Variants in RNF150 observed in about 807,000 individuals in gnomAD.
The protein encoded by RNF150 is ring finger protein 150.
A neutral mutation model predicts 39.3 loss-of-function variants in RNF150; 24 were observed. The ratio of observed to expected loss-of-function variants is 0.61; its 90% CI spans 0.44 to 0.86. RNF150 has a LOEUF of 0.86. Ranked by LOEUF, RNF150 falls within the 40% of genes least tolerant of loss-of-function variation. RNF150 has a pLI of 0.00. For missense variants in RNF150, 502 were observed against 587.8 expected (o/e 0.85, Z 1.51); for synonymous variants, 255 against 227.3 (o/e 1.12, Z -1.10).
intron 6 of RNF150, among the ~76,000 whole-genome samples, chr4:140,906,364 A>G (rs1035544767): frequency 6.6e-6 from 1 of 152,224 alleles, no homozygotes; most frequent in Admixed American, 6.5e-5. Context: ...TAAAAAGTCA[A>G]TATGCTAGAA....
intron 4 of RNF150, among the ~76,000 whole-genome samples, chr4:140,933,479 G>A (rs1731727870): frequency 6.6e-6 from 1 of 152,196 alleles, no homozygotes; most frequent in East Asian, 1.9e-4. Context: ...CAGATGAGGG[G>A]TGGTTACTGG....
At chr4:141,022,350 G>A (rs1039950236) in intron 1 of RNF150, among the ~76,000 whole-genome samples, 1 of 152,046 alleles carries the variant, frequency 6.6e-6, no homozygotes, top group African/African-American at 2.4e-5. Context: ...AAGAACATAT[G>A]GACTTTGTTG....
At position 140,975,381 on chromosome 4, in the gene RNF150, G is replaced by C. The variant is rs1394138988; in HGVS notation, c.485-7508C>G. The stretch of plus-strand genomic sequence containing the variant: ...GTGAGTTTGTGCAGATTTTGAGTTT[G>C]TGCAGGTATCTGCAGGTGGTCCTGG... On this transcript the variant is annotated intron_variant, in intron 1 of 6. Coordinates refer to ENST00000515673, the MANE Select transcript of RNF150 (RefSeq NM_020724.2). 3.3e-5 allele frequency among the ~76,000 whole-genome samples: 5 copies of C among 152,316 alleles called. No individual in the cohort carries two copies. In the East Asian group the frequency reaches 9.6e-4, roughly 29 times the overall value.
intron 1 of RNF150, among the ~76,000 whole-genome samples, chr4:141,100,548 A>G (rs1738969826): frequency 1.3e-5 from 2 of 152,226 alleles, no homozygotes; most frequent in African/African-American, 4.8e-5. Context: ...CAATGCAGGA[A>G]CGGTTTTATT....
Position 141,015,227 on chromosome 4 carries a change from A to T in RNF150, c.485-47354T>A, listed in dbSNP as rs191862707. On this transcript the variant is annotated intron_variant, in intron 1 of 6. Transcript: ENST00000515673. ...TGCAGTTTGATTATAATTGCTTCAT[A>T]ATGTTTTTAAATCAGGGGGCATGAT... Among the ~76,000 whole-genome samples, 713 of 152,216 alleles carry T rather than the reference A, an allele frequency of 4.7e-3. 4 individuals carry two copies. The highest frequency in any genetic ancestry group is 5.6e-3 in the Non-Finnish European group (383 of 68,002).
rs569146046 is a variant in RNF150 at position 140,986,446 on chromosome 4, G to C, written c.485-18573C>G. ...AAAGATATAATTTATATTCCCACTAGTAAAATAAACTTTCCATCATTGCAA... is the reference window on the plus strand; with the variant it reads ...AAAGATATAATTTATATTCCCACTACTAAAATAAACTTTCCATCATTGCAA... On this transcript the variant is annotated intron_variant, in intron 1 of 6. Coordinates refer to ENST00000515673, the MANE Select transcript of RNF150 (RefSeq NM_020724.2). Among the ~76,000 whole-genome samples the C allele has an allele frequency of 2.7e-4, 41 of 152,156 alleles. No individual in the cohort carries two copies. The South Asian group carries it at 8.5e-3, about 32-fold the overall frequency.
At chr4:140,897,480 G>A (rs1730007827) in intron 6 of RNF150, among the ~76,000 whole-genome samples, 1 of 152,070 alleles carries the variant, frequency 6.6e-6, no homozygotes, top group South Asian at 2.1e-4. Context: ...AGCCCAGGTG[G>A]GTGTTCAGAC....
intron 1 of RNF150, among the ~76,000 whole-genome samples, chr4:141,105,532 G>T (rs1739167952): frequency 6.6e-6 from 1 of 152,014 alleles, no homozygotes; most frequent in African/African-American, 2.4e-5. Context: ...CCCCTGCCCA[G>T]GTCTCTATCC....
chr4:141,157,212 A>C (rs535676731), intron 1 of RNF150, among the ~76,000 whole-genome samples: 164 of 151,962 alleles, frequency 1.1e-3, no homozygotes, highest in Non-Finnish European at 2.1e-3. Context: ...CGTGCACAAT[A>C]TCTCCCCCCC....
At chr4:141,122,218 C>T (rs1245529948) in intron 1 of RNF150, among the ~76,000 whole-genome samples, 1 of 152,194 alleles carries the variant, frequency 6.6e-6, no homozygotes, top group Non-Finnish European at 1.5e-5. Flanking sequence ...TCAGCATCCC[C>T]CAGACACAGA....
At chr4:141,101,178 T>C (rs1738996292) in intron 1 of RNF150, among the ~76,000 whole-genome samples, 1 of 152,274 alleles carries the variant, frequency 6.6e-6, no homozygotes, top group Admixed American at 6.5e-5. Flanking sequence ...GTAAATTTTT[T>C]ACTTTATAAG....
chr4:141,070,959 A>G (rs974463382), intron 1 of RNF150, among the ~76,000 whole-genome samples: 2 of 133,110 alleles, frequency 1.5e-5, no homozygotes, highest in African/African-American at 5.6e-5. Flanking sequence ...ACTATTCACA[A>G]TAGCAAAGAC....
intron 2 of RNF150, among the ~76,000 whole-genome samples, chr4:140,949,854 T>A (rs1273187258): frequency 2.0e-5 from 3 of 152,250 alleles, no homozygotes; most frequent in African/African-American, 2.4e-5. Context: ...GGTTTAAATT[T>A]GGTCTGTTCT....
chr4:141,131,995 T>A (rs1019020159), intron 1 of RNF150, among the ~76,000 whole-genome samples: 3 of 151,960 alleles, frequency 2.0e-5, no homozygotes, highest in Admixed American at 6.5e-5. Flanking sequence ...GCTGGGCCGG[T>A]CACTAACCAA....
chr4:141,036,824 C>T (rs1051229001), intron 1 of RNF150, among the ~76,000 whole-genome samples: 16 of 152,250 alleles, frequency 1.1e-4, no homozygotes, highest in Admixed American at 8.5e-4. Flanking sequence ...AAAAAACACT[C>T]AAAAATACCC....
At chr4:140,957,440 TAC>T (rs1484333606) in intron 2 of RNF150, among the ~76,000 whole-genome samples, 1 of 152,114 alleles carries the variant, frequency 6.6e-6, no homozygotes, top group Non-Finnish European at 1.5e-5. Flanking sequence ...GGAACACTTC[TAC>T]ACTGTTGGTG....
intron 4 of RNF150, among the ~76,000 whole-genome samples, chr4:140,943,837 G>A (rs1357707427): frequency 1.3e-5 from 2 of 152,106 alleles, no homozygotes; most frequent in African/African-American, 2.4e-5. Flanking sequence ...TTGTGGAGGA[G>A]AGTTTGCAAA....
chr4:141,129,157 C>T (rs1033873823), intron 1 of RNF150, among the ~76,000 whole-genome samples: 6 of 152,170 alleles, frequency 3.9e-5, no homozygotes, highest in Non-Finnish European at 5.9e-5. Flanking sequence ...AAAACTTGTA[C>T]ATGAATGTTC....
intron 1 of RNF150, among the ~76,000 whole-genome samples, chr4:140,984,337 G>C (rs1733954588): frequency 6.6e-6 from 1 of 152,050 alleles, no homozygotes; most frequent in Non-Finnish European, 1.5e-5. Context: ...GATGAGTTCT[G>C]ATAACCATTG....
Sources: gnomAD v4.1 joint callset for allele counts (sites outside exome capture counted in the v4.1 genomes callset) on GRCh38, gnomAD v4.1.1 for gene constraint, MANE v1.5 for transcripts, NCBI Gene and HGNC (gene_info 2026-07-23, HGNC 2026-07-21) for gene names.